AP3B2: variants seen among roughly 807,000 people sequenced by gnomAD.
The protein encoded by AP3B2 is AP-3 complex subunit beta-2.
AP3B2 carries 50 observed loss-of-function variants against 126.9 expected under a neutral mutation model. The ratio of observed to expected loss-of-function variants is 0.39; its 90% CI spans 0.31 to 0.50. The LOEUF is 0.50. Among genes scored for constraint, AP3B2 ranks in the 20% least tolerant of loss-of-function variants. The pLI is 0.79. For missense variants in AP3B2, 1,177 were observed against 1,426.4 expected (o/e 0.83, Z 2.82); for synonymous variants, 541 against 565.0 (o/e 0.96, Z 0.60).
chr15:82,663,515 T>C (rs1348435780), intron 21 of AP3B2, 45 bp downstream of exon 21: 1 of 1,596,660 alleles, frequency 6.3e-7, no homozygotes, highest in East Asian at 2.2e-5. Context: ...TAATTCATGC[T>C]CCCCAGGCCT....
At chr15:82,690,344 G>A (rs917887326) in intron 1 of AP3B2, among the ~76,000 whole-genome samples, 1 of 151,720 alleles carries the variant, frequency 6.6e-6, no homozygotes, top group African/African-American at 2.4e-5. Context: ...ATGTTGGTGT[G>A]CTGCACCCAT....
In AP3B2 at chr15:82,664,186, G is replaced by A. The variant is rs2048009385; in HGVS notation, c.2261+181C>T. 6.6e-6 allele frequency among the ~76,000 whole-genome samples: 1 copy of A among 152,210 alleles called. No homozygotes were observed. The highest frequency in any genetic ancestry group is 6.5e-5 in the Admixed American group (1 of 15,284). ...GGACTCTGGTTGCTTCTCCACACCA[G>A]CCCATGAGGCCTCAGAGATCTCCTG... On this transcript the variant is annotated intron_variant, in intron 19 of 26. Transcript: ENST00000535359. The surrounding 1 kb of genome is among the most constrained non-coding windows in gnomAD (Gnocchi z 4.5).
rs982898203 is a variant in AP3B2, at chr15:82,666,754, G to A, written c.1845C>T (p.Ser615=). ...CTTGATTTCAGCTCCCACCTTTGAA[G>A]GATGACTCCAAGACTGGAGCTGGTT... is the stretch of plus-strand genomic sequence containing the variant. ...APKPAPVLES[S]FKDRDHFQLG... Residue 615 remains serine (S), a synonymous_variant, in exon 15 of 27, where the codon TCC becomes TCT. Transcript: ENST00000535359. The A allele has an allele frequency of 4.3e-6, 7 of 1,613,318 alleles. No homozygotes were observed. Among genetic ancestry groups the A allele is most frequent in the African/African-American group, 1.3e-5 (1 of 74,918 alleles).
chr15:82,672,012 C>A (rs929977411), intron 14 of AP3B2, among the ~76,000 whole-genome samples: 1 of 152,176 alleles, frequency 6.6e-6, no homozygotes, highest in Non-Finnish European at 1.5e-5. Flanking sequence ...CCATTGCACT[C>A]CAGCCTGGGT....
At chr15:82,688,344 C>T in intron 4 of AP3B2, 1 of 683,662 alleles carries the variant, frequency 1.5e-6, no homozygotes, top group South Asian at 1.5e-5. Context: ...GGGATTCAGG[C>T]CACTGCTAAA....
chr15:82,663,997 G>A lies in AP3B2; in HGVS notation c.2262-22C>T, dbSNP rs767989912. The A allele has an allele frequency of 1.9e-6, 3 of 1,595,842 alleles. No homozygotes were observed. The South Asian group carries it at 3.3e-5, about 18-fold the overall frequency. On this transcript the variant is annotated intron_variant, in intron 19 of 26. Transcript: ENST00000535359. ...TTCACTGAAGGAGTGGGAAAGGTTG[G>A]CTCAGGCCTGGCCTGGACACTCCCT...
intron 1 of AP3B2, among the ~76,000 whole-genome samples, chr15:82,696,758 T>G (rs1231995483): frequency 6.6e-6 from 1 of 152,186 alleles, no homozygotes; most frequent in Non-Finnish European, 1.5e-5. Flanking sequence ...GATGCCCTTG[T>G]GCAGTGAACA....
intron 1 of AP3B2, 198 bp from the exon 2 acceptor site, chr15:82,689,651 C>A: frequency 5.0e-6 from 3 of 594,162 alleles, no homozygotes; most frequent in South Asian, 4.0e-5. Flanking sequence ...GTGGGTTGAA[C>A]TGTGTCCTTC....
rs1193223238 is a variant in AP3B2 at position 82,662,744 on chromosome 15, C to T, written c.2783G>A (p.Gly928Asp). The change falls in exon 23 of 27, where the codon GGC becomes GAC. Residue 928 changes from glycine (G) to aspartate (D), a missense_variant. By Grantham distance (94) the Gly-to-Asp change is moderately conservative. Around this residue, in one of 5 missense-constraint regions of AP3B2, gnomAD observed 587 missense variants for 571.3 expected, o/e 1.03. Coordinates refer to ENST00000535359, the MANE Select transcript of AP3B2 (RefSeq NM_001278512.2). ...GATGCCAGCAGGCAGTTTGGGAGTGCCCACATGCAGGCCCTTGATGGGGGT... is the reference window on the plus strand; with the variant it reads ...GATGCCAGCAGGCAGTTTGGGAGTGTCCACATGCAGGCCCTTGATGGGGGT... Reference protein sequence around the residue: ...SDTPIKGLHVGTPKLPAGISI... With the variant: ...SDTPIKGLHVDTPKLPAGISI... 1 of 1,613,722 alleles carries T rather than the reference C, an allele frequency of 6.2e-7. No individual in the cohort carries two copies. Among genetic ancestry groups the T allele is most frequent in the Non-Finnish European group, 8.5e-7 (1 of 1,179,828 alleles).
chr15:82,682,406 T>C (rs1257035049), intron 4 of AP3B2, among the ~76,000 whole-genome samples: 1 of 152,108 alleles, frequency 6.6e-6, no homozygotes, highest in African/African-American at 2.4e-5. Context: ...TATAAAAGCA[T>C]TCCTTACACT....
intron 21 of AP3B2, 90 bp downstream of exon 21, chr15:82,663,470 T>C (rs1290812400): frequency 2.8e-6 from 4 of 1,444,182 alleles, no homozygotes; most frequent in Admixed American, 3.5e-5. Flanking sequence ...CCACAAGACC[T>C]GAGGAACCCG....
chr15:82,679,667 TTTGAG>T (rs2048299818), intron 10 of AP3B2, 57 bp downstream of exon 10: 2 of 1,477,580 alleles, frequency 1.4e-6, no homozygotes, highest in African/African-American at 2.9e-5. Flanking sequence ...CTGTGAGTTA[TTTGAG>T]TGGGTACATG....
chr15:82,664,709 G>A lies in AP3B2; in HGVS notation c.2137+126C>T, dbSNP rs2048020817. The stretch of plus-strand genomic sequence containing the variant: ...CACCTGGAACATGAATCCCTCAGGT[G>A]CACAAACAATTCACAAGCAGGTGCA... On this transcript the variant is annotated intron_variant, in intron 18 of 26. Coordinates refer to ENST00000535359, the MANE Select transcript of AP3B2 (RefSeq NM_001278512.2). This position sits in a 1 kb window ranked among gnomAD's most constrained non-coding sequence, Gnocchi z 4.5. 1.1e-6 allele frequency: 1 copy of A among 914,576 alleles called. No individual in the cohort carries two copies. The highest frequency in any genetic ancestry group is 1.7e-6 in the Non-Finnish European group (1 of 603,438). 56.7% of individuals were successfully genotyped at this position (914,576 alleles called of 1,614,324 possible).
In AP3B2 at chr15:82,681,371, A is replaced by T. The variant is rs1228067465; in HGVS notation, c.521+49T>A. 6.2e-7 allele frequency: 1 copy of T among 1,604,234 alleles called. No homozygotes were observed. The highest frequency in any genetic ancestry group is 1.3e-5 in the African/African-American group (1 of 74,802). The stretch of plus-strand genomic sequence containing the variant: ...TAGGAAAGGCCAGGGGTGGGTTGAG[A>T]ACTTAGGAACCAGCCTCCTGGGGAG... On this transcript the variant is annotated intron_variant, in intron 5 of 26. Transcript: ENST00000535359. This position sits in a 1 kb window ranked among gnomAD's most constrained non-coding sequence, Gnocchi z 4.0.
chr15:82,660,109 T>A (rs1294179314), intron 25 of AP3B2, 126 bp from the exon 26 acceptor site: 16 of 1,232,396 alleles, frequency 1.3e-5, no homozygotes, highest in Non-Finnish European at 1.8e-5. Context: ...AGGTCAGAAT[T>A]TAAATCATCA....
chr15:82,684,080 G>A (rs900479788), intron 4 of AP3B2, among the ~76,000 whole-genome samples: 9 of 152,186 alleles, frequency 5.9e-5, no homozygotes, highest in African/African-American at 2.2e-4. Flanking sequence ...TTTTCAGAAT[G>A]GTCATTGAGC....
chr15:82,705,213 C>T (rs1264765700), intron 1 of AP3B2, among the ~76,000 whole-genome samples: 1 of 152,112 alleles, frequency 6.6e-6, no homozygotes, highest in Non-Finnish European at 1.5e-5. Context: ...AACCTAATCA[C>T]CCTTACCGTG....
At chr15:82,684,658 G>C (rs1260583665) in intron 4 of AP3B2, among the ~76,000 whole-genome samples, 3 of 152,110 alleles carry the variant, frequency 2.0e-5, no homozygotes, top group Non-Finnish European at 4.4e-5. Flanking sequence ...AAGACTACAG[G>C]TGCGTACCAC....
intron 1 of AP3B2, among the ~76,000 whole-genome samples, chr15:82,702,740 C>T (rs1203426672): frequency 2.0e-5 from 3 of 152,172 alleles, no homozygotes; most frequent in African/African-American, 7.2e-5. Context: ...TCACACAAAG[C>T]CTGTTGGGTG....
Sources: gnomAD v4.1 joint callset for allele counts (sites outside exome capture counted in the v4.1 genomes callset) on GRCh38, gnomAD v4.1.1 for gene constraint, gnomAD v4.1.1 regional missense constraint, Gnocchi (gnomAD v3.1) non-coding constraint, MANE v1.5 for transcripts, NCBI Gene and HGNC (gene_info 2026-07-23, HGNC 2026-07-21) for gene names.